Variants in CERKL observed in about 807,000 individuals in gnomAD.
The protein encoded by CERKL is CERK like autophagy regulator.
A neutral mutation model predicts 63.4 loss-of-function variants in CERKL; 61 were observed. The observed-to-expected ratio is 0.96, with a 90% CI of 0.78 to 1.19. The LOEUF is 1.19. Among genes scored for constraint, CERKL ranks in the 50% most tolerant of loss-of-function variants. The pLI is 0.00. For missense variants in CERKL, 675 were observed against 655.5 expected (o/e 1.03, Z -0.33); for synonymous variants, 250 against 230.5 (o/e 1.08, Z -0.77).
chr2:181,631,790 A>G (rs1686969685), intron 1 of CERKL, among the ~76,000 whole-genome samples: 1 of 152,170 alleles, frequency 6.6e-6, no homozygotes, highest in Admixed American at 6.6e-5. Flanking sequence ...GGGGAAAGAG[A>G]AGGAAATGGG....
Position 181,558,638 on chromosome 2 carries a change from TCTTC to T in CERKL, c.744_747del (p.Lys249MetfsTer10). 1 of 1,613,674 alleles carries T rather than the reference TCTTC, an allele frequency of 6.2e-7. No individual in the cohort carries two copies. The highest frequency in any genetic ancestry group is 8.5e-7 in the Non-Finnish European group (1 of 1,179,738). ...ATTCGGTCTGTTTCCATCCCAGCAT[TCTTC>T]TGAGCTCTCAGAAGCAAAGCATGGG... is the stretch of plus-strand genomic sequence containing the variant. On this transcript the variant is annotated frameshift_variant, in exon 5 of 13. Coordinates refer to ENST00000410087, the MANE Select transcript of CERKL (RefSeq NM_201548.5). LOFTEE classifies it high-confidence loss of function. This position sits in a 1 kb window ranked among gnomAD's most constrained non-coding sequence, Gnocchi z 4.2.
chr2:181,569,325 T>C (rs1374425440), intron 3 of CERKL, among the ~76,000 whole-genome samples: 1 of 152,144 alleles, frequency 6.6e-6, no homozygotes, highest in East Asian at 1.9e-4. Context: ...GCAGGTAAAA[T>C]TGGAAGGAGT....
chr2:181,633,644 A>G (rs1285136119), intron 1 of CERKL, among the ~76,000 whole-genome samples: 1 of 152,224 alleles, frequency 6.6e-6, no homozygotes, highest in African/African-American at 2.4e-5. Flanking sequence ...CAAGAGAAAC[A>G]AAAAGAAAAG....
chr2:181,619,307 T>C (rs951700573), intron 1 of CERKL, among the ~76,000 whole-genome samples: 7 of 148,828 alleles, frequency 4.7e-5, no homozygotes, highest in Non-Finnish European at 2.9e-5. Flanking sequence ...AATGGATTCA[T>C]CTTAATCAAA....
At chr2:181,598,040 A>C (rs1685294241) in intron 2 of CERKL, among the ~76,000 whole-genome samples, 1 of 152,106 alleles carries the variant, frequency 6.6e-6, no homozygotes, top group Non-Finnish European at 1.5e-5. Context: ...CTCCCACCCC[A>C]CACGCTGTTG....
chr2:181,553,060 C>G (rs995973020), intron 5 of CERKL, among the ~76,000 whole-genome samples: 1 of 152,136 alleles, frequency 6.6e-6, no homozygotes, highest in African/African-American at 2.4e-5. Flanking sequence ...GGTTCTACCT[C>G]CAACTCATGG....
At chr2:181,538,311 G>C in intron 12 of CERKL, 67 bp from the exon 13 acceptor site, 1 of 892,600 alleles carries the variant, frequency 1.1e-6, no homozygotes, top group Non-Finnish European at 1.9e-6. Flanking sequence ...AATAAGTATG[G>C]TACACAATGC....
At chr2:181,648,614 T>C (rs72885393) in intron 1 of CERKL, among the ~76,000 whole-genome samples, 14,968 of 152,180 alleles carry the variant, frequency 0.098, 879 homozygotes, top group East Asian at 0.12. Context: ...ACCTCACCAA[T>C]AGAGGTAAAT....
At chr2:181,639,462 TC>T (rs1278424733) in intron 1 of CERKL, among the ~76,000 whole-genome samples, 1 of 152,174 alleles carries the variant, frequency 6.6e-6, no homozygotes, top group African/African-American at 2.4e-5. Flanking sequence ...TGTTAAAAAC[TC>T]CAATTTATCA....
At chr2:181,610,661 G>A (rs938672798) in intron 1 of CERKL, among the ~76,000 whole-genome samples, 1 of 152,136 alleles carries the variant, frequency 6.6e-6, no homozygotes, top group Non-Finnish European at 1.5e-5. Context: ...ATCTGATCCT[G>A]CTTTTATTAA....
At chr2:181,596,234 A>G (rs1685203984) in intron 2 of CERKL, among the ~76,000 whole-genome samples, 1 of 152,208 alleles carries the variant, frequency 6.6e-6, no homozygotes. Context: ...TATTCTCAGG[A>G]TACTCTGTCA....
In CERKL at chr2:181,536,941, T is replaced by C; in HGVS notation, c.*1243A>G. The stretch of plus-strand genomic sequence containing the variant: ...CAATTCTGGGAAAGATTTCTTTATA[T>C]GAAGTCCCTGCCACTAGCCAGCCAT... On this transcript the variant is annotated 3_prime_UTR_variant, in exon 13 of 13. Transcript: ENST00000410087. 1 of 453,472 alleles carries C rather than the reference T, an allele frequency of 2.2e-6. No individual in the cohort carries two copies. The highest frequency in any genetic ancestry group is 1.6e-5 in the South Asian group (1 of 64,342). 28.1% of individuals were successfully genotyped at this position (453,472 alleles called of 1,614,324 possible). A position where few individuals can be genotyped will look rare whatever the true frequency, so the allele number is the denominator to read the frequency against.
chr2:181,589,155 C>T (rs541264258), intron 2 of CERKL, among the ~76,000 whole-genome samples: 93 of 152,284 alleles, frequency 6.1e-4, no homozygotes, highest in African/African-American at 2.1e-3. Flanking sequence ...GATTGCCAGA[C>T]TTAAATATAA....
chr2:181,598,010 G>T (rs1685293265), intron 2 of CERKL, among the ~76,000 whole-genome samples: 1 of 152,126 alleles, frequency 6.6e-6, no homozygotes, highest in African/African-American at 2.4e-5. Context: ...TATGGAGAGG[G>T]GGTCATCTGT....
rs1687959575 is a variant in CERKL at position 181,550,995 on chromosome 2, T to C, written c.821-1287A>G. On this transcript the variant is annotated intron_variant, in intron 5 of 12. Coordinates refer to ENST00000410087, the MANE Select transcript of CERKL (RefSeq NM_201548.5). The surrounding 1 kb of genome is among the most constrained non-coding windows in gnomAD (Gnocchi z 4.5). ...AACAGGAATGACAATACTTGAGTGC[T>C]TATTAAAATTACTCTCATGAGTTGA... 6.6e-6 allele frequency among the ~76,000 whole-genome samples: 1 copy of C among 152,136 alleles called. No individual in the cohort carries two copies. Among genetic ancestry groups the C allele is most frequent in the Admixed American group, 6.6e-5 (1 of 15,258 alleles).
chr2:181,595,488 T>G (rs1224104168), intron 2 of CERKL, among the ~76,000 whole-genome samples: 1 of 152,212 alleles, frequency 6.6e-6, no homozygotes, highest in Non-Finnish European at 1.5e-5. Flanking sequence ...TCCTTGTTTT[T>G]ACAGTAGAGT....
chr2:181,537,785 A>G lies in CERKL; in HGVS notation c.*399T>C, dbSNP rs1161423423. Reference sequence around the variant, plus strand: ...ATATCTAAAAACAGAATTTGAATTGATATTTCATCTTGACTTTTAAAGCCC... The same window carrying G: ...ATATCTAAAAACAGAATTTGAATTGGTATTTCATCTTGACTTTTAAAGCCC... On this transcript the variant is annotated 3_prime_UTR_variant, in exon 13 of 13. Transcript: ENST00000410087. The G allele has an allele frequency of 4.4e-6, 2 of 457,636 alleles. No individual in the cohort carries two copies. Among genetic ancestry groups the G allele is most frequent in the South Asian group, 1.6e-5 (1 of 63,330 alleles). The allele number at this position is 457,636 out of a possible 1,614,324, so 28.3% of individuals were successfully genotyped here. A position where few individuals can be genotyped will look rare whatever the true frequency, so the allele number is the denominator to read the frequency against.
intron 1 of CERKL, among the ~76,000 whole-genome samples, chr2:181,607,146 C>T (rs1449811107): frequency 6.6e-6 from 1 of 152,162 alleles, no homozygotes; most frequent in Non-Finnish European, 1.5e-5. Context: ...CCACATATCC[C>T]ATAGCTTCTG....
At chr2:181,568,537 T>C (rs1414413931) in intron 3 of CERKL, among the ~76,000 whole-genome samples, 1 of 152,160 alleles carries the variant, frequency 6.6e-6, no homozygotes, top group Non-Finnish European at 1.5e-5. Flanking sequence ...ATTGATCTGA[T>C]CACTAAATAT....
Sources: allele counts gnomAD v4.1 joint callset (sites outside exome capture counted in the v4.1 genomes callset), GRCh38; gene constraint gnomAD v4.1.1; non-coding constraint Gnocchi (gnomAD v3.1); transcripts MANE v1.5; gene names NCBI Gene and HGNC (gene_info 2026-07-23, HGNC 2026-07-21).